Variants in CCDC102B observed in about 807,000 individuals in gnomAD.
CCDC102B encodes the protein coiled-coil domain-containing protein 102B.
In CCDC102B, 75 loss-of-function variants were observed where a neutral mutation model predicts 57.4. The observed-to-expected ratio is 1.31, with a 90% confidence interval of 1.08 to 1.58. The LOEUF (loss-of-function observed/expected upper bound fraction) is 1.58. Ranked by LOEUF, CCDC102B falls within the 40% of genes most tolerant of loss-of-function variation. CCDC102B has a pLI of 0.00. For missense variants in CCDC102B, 636 were observed against 582.6 expected, an observed-to-expected ratio of 1.09 and a Z score of -0.94; for synonymous variants, 206 against 201.9, an observed-to-expected ratio of 1.02 and a Z score of -0.17.
chr18:68,931,820 C>G (rs138508199), intron 6 of CCDC102B, among the ~76,000 whole-genome samples: 1 of 151,882 alleles, frequency 6.6e-6, no homozygotes, highest in Non-Finnish European at 1.5e-5. Context: ...AAAACTCAGT[C>G]ACATGACCAT....
chr18:68,796,864 TG>T (rs1176828784), upstream of CCDC102B, among the ~76,000 whole-genome samples: 1 of 151,934 alleles, frequency 6.6e-6, no homozygotes, highest in Non-Finnish European at 1.5e-5. Context: ...TGTGTGTGTG[TG>T]TGTGTATTGT....
intron 5 of CCDC102B, among the ~76,000 whole-genome samples, chr18:68,884,686 T>C (rs1297196399): frequency 6.7e-6 from 1 of 150,280 alleles, no homozygotes; most frequent in African/African-American, 2.4e-5. Context: ...ATATGTATCC[T>C]CTGACCTACA....
intron 6 of CCDC102B, among the ~76,000 whole-genome samples, chr18:68,966,592 G>A (rs943899033): frequency 6.6e-6 from 1 of 152,044 alleles, no homozygotes; most frequent in Non-Finnish European, 1.5e-5. Flanking sequence ...TTTGGCTTTG[G>A]ATCAACCTTT....
At chr18:68,822,277 C>A (rs921498747) in intron 1 of CCDC102B, among the ~76,000 whole-genome samples, 1 of 151,852 alleles carries the variant, frequency 6.6e-6, no homozygotes, top group Non-Finnish European at 1.5e-5. Flanking sequence ...GCCTGTAGTC[C>A]CAGGTACTCA....
At position 68,836,913 on chromosome 18, in the gene CCDC102B, A is replaced by G. The variant is rs139067329; in HGVS notation, c.150A>G (p.Gln50=). The change falls in exon 2 of 8, where the codon CAA becomes CAG. Residue 50 remains glutamine, a synonymous_variant. Transcript: ENST00000360242. ...CCTGCTTCCCACTTCATGGGCTACA[A>G]TCTCATGCTGCTCACAATTTCTGTG... is the stretch of plus-strand genomic sequence containing the variant. ...CNTCFPLHGL[Q]SHAAHNFCAH... The G allele has an allele frequency of 3.1e-6, 5 of 1,614,100 alleles. No homozygotes were observed. Among genetic ancestry groups the G allele is most frequent in the Admixed American group, 3.3e-5 (2 of 60,000 alleles).
intron 2 of CCDC102B, chr18:68,717,973 A>T (rs943052080): frequency 2.0e-5 from 3 of 152,312 alleles, no homozygotes; most frequent in Non-Finnish European, 4.4e-5. Flanking sequence ...TGAAGGGATC[A>T]TCTTAGTCCC....
intron 6 of CCDC102B, among the ~76,000 whole-genome samples, chr18:68,938,895 C>G (rs1049389782): frequency 6.6e-6 from 1 of 151,398 alleles, no homozygotes; most frequent in Non-Finnish European, 1.5e-5. Context: ...GTTAGGAAAT[C>G]CAATAAAATA....
intron 1 of CCDC102B, among the ~76,000 whole-genome samples, chr18:68,815,534 AATT>A (rs1487778821): frequency 2.0e-5 from 3 of 152,168 alleles, no homozygotes; most frequent in Non-Finnish European, 4.4e-5. Context: ...CATGTATTAA[AATT>A]ATTATTCAAT....
At chr18:68,924,086 T>C (rs1168064138) in intron 6 of CCDC102B, among the ~76,000 whole-genome samples, 1 of 152,022 alleles carries the variant, frequency 6.6e-6, no homozygotes, top group Non-Finnish European at 1.5e-5. Flanking sequence ...AAACTTCTGA[T>C]GCTGTGGTAC....
chr18:68,820,732 T>A (rs988217370), intron 1 of CCDC102B, among the ~76,000 whole-genome samples: 1 of 152,196 alleles, frequency 6.6e-6, no homozygotes, highest in African/African-American at 2.4e-5. Context: ...ATTTACTTAA[T>A]GTCCACTCTA....
chr18:68,836,851 G>T lies in CCDC102B; in HGVS notation c.88G>T (p.Val30Leu). The T allele has an allele frequency of 1.9e-6, 3 of 1,613,990 alleles. No homozygotes were observed. The highest frequency in any genetic ancestry group is 2.5e-6 in the Non-Finnish European group (3 of 1,179,998). ...ATCAATTAAGTCACGCGGCGACATG[G>T]TGGCACCTGCCTCACCCCCCAGGGA... ...QSSIKSRGDM[V>L]APASPPRDTC... Residue 30 changes from valine (V) to leucine (L), a missense_variant, in exon 2 of 8, where the codon GTG becomes TTG. Val to Leu is a conservative substitution (Grantham distance 32). Transcript: ENST00000360242.
intron 6 of CCDC102B, chr18:68,907,933 C>T (rs1385858164): frequency 6.6e-6 from 1 of 152,090 alleles, no homozygotes; most frequent in Non-Finnish European, 1.5e-5. Flanking sequence ...TTTCATATGT[C>T]ATCTACTATG....
intron 6 of CCDC102B, among the ~76,000 whole-genome samples, chr18:68,966,901 C>T (rs542844081): frequency 1.4e-4 from 21 of 152,202 alleles, no homozygotes; most frequent in African/African-American, 2.9e-4. Flanking sequence ...TCTACCAATG[C>T]CCATAGGCTA....
intron 2 of CCDC102B, among the ~76,000 whole-genome samples, chr18:68,756,903 GTC>G (rs1491289601): frequency 6.2e-5 from 9 of 144,524 alleles, no homozygotes; most frequent in East Asian, 2.2e-4. Flanking sequence ...GTGTGTGTGT[GTC>G]TGTGTGTCTG....
At chr18:68,970,441 G>C (rs954604499) in intron 6 of CCDC102B, among the ~76,000 whole-genome samples, 1 of 151,668 alleles carries the variant, frequency 6.6e-6, no homozygotes, top group Non-Finnish European at 1.5e-5. Context: ...ATCTAACTTG[G>C]AGATGTAATA....
intron 2 of CCDC102B, chr18:68,734,893 ATACTT>A (rs2033055390): frequency 6.6e-6 from 1 of 152,212 alleles, no homozygotes. Context: ...AGACCACAAA[ATACTT>A]TAGGGTTTCA....
intron 7 of CCDC102B, among the ~76,000 whole-genome samples, chr18:69,049,070 T>C (rs1379689429): frequency 6.6e-6 from 1 of 152,032 alleles, no homozygotes; most frequent in Non-Finnish European, 1.5e-5. Context: ...CTTTAAGTTC[T>C]GGGATACATG....
chr18:68,973,794 T>A (rs1040824127), intron 6 of CCDC102B, among the ~76,000 whole-genome samples: 1 of 152,120 alleles, frequency 6.6e-6, no homozygotes, highest in African/African-American at 2.4e-5. Flanking sequence ...ACAAAGAACA[T>A]TTTTCAGAAC....
chr18:68,998,181 A>G (rs1417652225), intron 6 of CCDC102B, among the ~76,000 whole-genome samples: 1 of 151,480 alleles, frequency 6.6e-6, no homozygotes, highest in Non-Finnish European at 1.5e-5. Context: ...TAATGAGGGT[A>G]TTTTGTTTTA....
Sources: allele counts gnomAD v4.1 joint callset (sites outside exome capture counted in the v4.1 genomes callset), GRCh38; gene constraint gnomAD v4.1.1; transcripts MANE v1.5; gene names NCBI Gene and HGNC (gene_info 2026-07-23, HGNC 2026-07-21).